CUX2: variants seen among roughly 807,000 people sequenced by gnomAD.
The protein encoded by CUX2 is homeobox protein cut-like 2.
In CUX2, 40 loss-of-function variants were observed where a neutral mutation model predicts 144.8. That is an observed-to-expected ratio of 0.28 (90% CI 0.21 to 0.36). The LOEUF (loss-of-function observed/expected upper bound fraction) is 0.36, where lower values mean the gene tolerates loss of function less well. CUX2 is among the 10% of genes least tolerant of loss of function. The pLI, the probability that CUX2 is intolerant of heterozygous loss-of-function variation, is 1.00. For missense variants in CUX2, 1,615 were observed against 1,994.0 expected, an observed-to-expected ratio of 0.81 and a Z score of 3.62; for synonymous variants, 827 against 875.6, an observed-to-expected ratio of 0.94 and a Z score of 0.98.
At chr12:111,284,425 G>A (rs534250250) in intron 4 of CUX2, among the ~76,000 whole-genome samples, 15 of 152,236 alleles carry the variant, frequency 9.9e-5, no homozygotes, top group South Asian at 4.1e-4. Context: ...AGACAAGGCC[G>A]GGCAGGAGCA....
At chr12:111,172,523 G>C (rs1878608901) in intron 1 of CUX2, among the ~76,000 whole-genome samples, 1 of 152,200 alleles carries the variant, frequency 6.6e-6, no homozygotes, top group East Asian at 1.9e-4. Context: ...CTGGCTACCT[G>C]TTTGTCTTGA....
chr12:111,347,823 A>C lies in CUX2; in HGVS notation c.3959A>C (p.Glu1320Ala). The change falls in exon 22 of 22, where the codon GAG becomes GCG. Residue 1320 changes from glutamate (E) to alanine (A), a missense_variant. Glu to Ala is a moderately radical substitution (Grantham distance 107, BLOSUM62 -1). This residue lies in a region of CUX2 where 298 missense variants were observed against 330.4 expected (regional missense o/e 0.90). Coordinates refer to ENST00000261726, the MANE Select transcript of CUX2 (RefSeq NM_015267.4). ...EAGSQPQDSG[E>A]LDKGQGPPKE... ...GGCAGCCAGCCCCAGGACTCAGGGG[A>C]GCTGGACAAAGGCCAAGGTCCCCCC... 1.2e-6 allele frequency: 2 copies of C among 1,613,946 alleles called. No homozygotes were observed. Among genetic ancestry groups the C allele is most frequent in the Non-Finnish European group, 1.7e-6 (2 of 1,179,980 alleles).
chr12:111,313,875 A>C (rs551787153), intron 16 of CUX2, among the ~76,000 whole-genome samples: 22 of 152,274 alleles, frequency 1.4e-4, no homozygotes, highest in Non-Finnish European at 4.4e-5. Context: ...CCTCACACCC[A>C]GCACAGCGTA....
chr12:111,136,984 C>T (rs1454776055), intron 1 of CUX2, among the ~76,000 whole-genome samples: 2 of 151,388 alleles, frequency 1.3e-5, no homozygotes, highest in Non-Finnish European at 2.9e-5. Flanking sequence ...GTTGCCCAGG[C>T]TGGAGTGCAG....
At chr12:111,118,317 A>G (rs1377413689) in intron 1 of CUX2, among the ~76,000 whole-genome samples, 1 of 152,194 alleles carries the variant, frequency 6.6e-6, no homozygotes, top group Non-Finnish European at 1.5e-5. Flanking sequence ...CTTTAAGGTT[A>G]TTTACATCCA....
intron 1 of CUX2, among the ~76,000 whole-genome samples, chr12:111,063,558 A>G (rs1198126354): frequency 6.6e-6 from 1 of 152,172 alleles, no homozygotes; most frequent in East Asian, 1.9e-4. Context: ...TGGGGCCTGC[A>G]CTTTGAGATA....
Position 111,039,784 on chromosome 12 carries a change from G to A in CUX2, c.63+5544G>A, listed in dbSNP as rs998611192. Among the ~76,000 whole-genome samples the A allele has an allele frequency of 5.3e-5, 8 of 152,228 alleles. No individual in the cohort carries two copies. Among genetic ancestry groups the A allele is most frequent in the African/African-American group, 1.9e-4 (8 of 41,528 alleles). ...TGACCTCAAATGATCCACCAGCCTC[G>A]GCCTCTTAAAGTGCTGGGATTACAA... On this transcript the variant is annotated intron_variant, in intron 1 of 21. Coordinates refer to ENST00000261726, the MANE Select transcript of CUX2 (RefSeq NM_015267.4). This position sits in a 1 kb window ranked among gnomAD's most constrained non-coding sequence, Gnocchi z 4.2.
chr12:111,298,521 G>A lies in CUX2; in HGVS notation c.705-20G>A, dbSNP rs756419901. ...AGCCCGCCGGAAGCCCTTCCTCAGG[G>A]CCTCATCTTTGTGTCTCAGGGCAGA... On this transcript the variant is annotated intron_variant, in intron 8 of 21. Coordinates refer to ENST00000261726, the MANE Select transcript of CUX2 (RefSeq NM_015267.4). 1.1e-5 allele frequency: 17 copies of A among 1,566,620 alleles called. No homozygotes were observed. The highest frequency in any genetic ancestry group is 1.4e-5 in the Non-Finnish European group (16 of 1,155,508).
chr12:111,204,553 C>T (rs182618819), intron 1 of CUX2, among the ~76,000 whole-genome samples: 4 of 152,270 alleles, frequency 2.6e-5, no homozygotes, highest in African/African-American at 9.6e-5. Flanking sequence ...AGGGAAACAA[C>T]CCAGAGGAAA....
At chr12:111,168,792 C>T (rs544678129) in intron 1 of CUX2, among the ~76,000 whole-genome samples, 2 of 152,270 alleles carry the variant, frequency 1.3e-5, no homozygotes, top group African/African-American at 2.4e-5. Context: ...TAATAAGAAA[C>T]GCAAGTTGCT....
chr12:111,258,866 A>C (rs1592892104), intron 3 of CUX2, among the ~76,000 whole-genome samples: 1 of 151,892 alleles, frequency 6.6e-6, no homozygotes, highest in Admixed American at 6.6e-5. Context: ...TTTCAGGATT[A>C]TTTTTCTTTT....
At chr12:111,129,349 T>G (rs1233894674) in intron 1 of CUX2, among the ~76,000 whole-genome samples, 2 of 152,254 alleles carry the variant, frequency 1.3e-5, no homozygotes, top group African/African-American at 4.8e-5. Flanking sequence ...GAGAGTGCTG[T>G]ACCTGAGCTA....
chr12:111,221,738 C>T (rs1355155271), intron 3 of CUX2, among the ~76,000 whole-genome samples: 1 of 151,898 alleles, frequency 6.6e-6, no homozygotes, highest in African/African-American at 2.4e-5. Flanking sequence ...TCTGGGCATA[C>T]TTCTTATCTT....
chr12:111,113,876 T>C (rs534770098), intron 1 of CUX2, among the ~76,000 whole-genome samples: 1 of 152,234 alleles, frequency 6.6e-6, no homozygotes, highest in Non-Finnish European at 1.5e-5. Context: ...TAATTTAGCA[T>C]AACACATTTG....
rs190397947 is a variant in CUX2, at chr12:111,293,253, C to T, written c.437-193C>T. On this transcript the variant is annotated intron_variant, in intron 5 of 21. Transcript: ENST00000261726. The surrounding 1 kb of genome is among the most constrained non-coding windows in gnomAD (Gnocchi z 4.5). Reference sequence around the variant, plus strand: ...GCAAAAGAAGGTCTGCGTGTGCTGACGCTGGTGCCACAGTGGAAATGACCT... The same window carrying T: ...GCAAAAGAAGGTCTGCGTGTGCTGATGCTGGTGCCACAGTGGAAATGACCT... Among the ~76,000 whole-genome samples the T allele has an allele frequency of 3.9e-5, 6 of 152,370 alleles. No individual in the cohort carries two copies. In the East Asian group the frequency reaches 7.7e-4, roughly 20 times the overall value.
In CUX2 at chr12:111,322,603, CAG is replaced by C. The variant is rs775387713; in HGVS notation, c.2926+24_2926+25del. The C allele has an allele frequency of 3.1e-6, 5 of 1,600,444 alleles. No individual in the cohort carries two copies. The highest frequency in any genetic ancestry group is 1.7e-4 in the Middle Eastern group (1 of 5,992). On this transcript the variant is annotated intron_variant, in intron 18 of 21. Transcript: ENST00000261726. This position sits in a 1 kb window ranked among gnomAD's most constrained non-coding sequence, Gnocchi z 4.2. The stretch of plus-strand genomic sequence containing the variant: ...AGGGTGAGTGCGGGCAGGAGCATCT[CAG>C]GGGGTGCTGGCAAACTTCCCACCTG...
intron 1 of CUX2, among the ~76,000 whole-genome samples, chr12:111,062,869 C>A (rs983175213): frequency 6.6e-6 from 1 of 152,168 alleles, no homozygotes; most frequent in African/African-American, 2.4e-5. Flanking sequence ...GAGACCATAC[C>A]TCTGGCTCCA....
At chr12:111,324,497 G>GTTATGT (rs1555216672) in intron 18 of CUX2, among the ~76,000 whole-genome samples, 1 of 150,892 alleles carries the variant, frequency 6.6e-6, no homozygotes, top group Non-Finnish European at 1.5e-5. Flanking sequence ...TTTTTGTTTT[G>GTTATGT]TTTTGTTTTT....
At chr12:111,269,915 C>G (rs1460616432) in intron 4 of CUX2, among the ~76,000 whole-genome samples, 1 of 152,188 alleles carries the variant, frequency 6.6e-6, no homozygotes, top group African/African-American at 2.4e-5. Flanking sequence ...CCAGCTGTCA[C>G]CGACTTAGAG....
Sources: allele counts gnomAD v4.1 joint callset (sites outside exome capture counted in the v4.1 genomes callset), GRCh38; gene constraint gnomAD v4.1.1; regional missense constraint gnomAD v4.1.1; non-coding constraint Gnocchi (gnomAD v3.1); transcripts MANE v1.5; gene names NCBI Gene and HGNC (gene_info 2026-07-23, HGNC 2026-07-21).